MLLT3: variants seen among roughly 807,000 people sequenced by gnomAD.
MLLT3 encodes MLLT3 super elongation complex subunit, also known as protein AF-9.
A neutral mutation model predicts 53.2 loss-of-function variants in MLLT3; 4 were observed. The ratio of observed to expected loss-of-function variants is 0.08; its 90% confidence interval spans 0.04 to 0.17. The LOEUF (loss-of-function observed/expected upper bound fraction) is 0.17. Ranked by LOEUF, MLLT3 falls within the 10% of genes least tolerant of loss-of-function variation. The pLI is 1.00. For missense variants in MLLT3, 569 were observed against 684.0 expected, an observed-to-expected ratio of 0.83 and a Z score of 1.87; for synonymous variants, 283 against 230.6, an observed-to-expected ratio of 1.23 and a Z score of -2.06.
intron 2 of MLLT3, among the ~76,000 whole-genome samples, chr9:20,479,359 T>C (rs1824605975): frequency 1.3e-5 from 2 of 152,184 alleles, no homozygotes; most frequent in South Asian, 4.1e-4. Context: ...GCTTTTTATA[T>C]TGTTAACTGC....
intron 2 of MLLT3, among the ~76,000 whole-genome samples, chr9:20,515,862 G>GT (rs1817899868): frequency 6.6e-6 from 1 of 152,166 alleles, no homozygotes; most frequent in South Asian, 2.1e-4. Context: ...ACCGCCTGAT[G>GT]TAAGACTCTG....
At chr9:20,532,730 A>G (rs766303529) in intron 2 of MLLT3, 11 of 267,562 alleles carry the variant, frequency 4.1e-5, no homozygotes, top group Non-Finnish European at 7.1e-5. Context: ...TGGCCCCACT[A>G]TATCAGGTTG....
At position 20,543,041 on chromosome 9, in the gene MLLT3, C is replaced by A. The variant is rs1256509149; in HGVS notation, c.193+77613G>T. ...TCTGCAGTTTCCTCACTCCTCTCAG[C>A]CTTCAAAGAATTGAAGAGATTTAGG... On this transcript the variant is annotated intron_variant, in intron 2 of 10. Coordinates refer to ENST00000380338, the MANE Select transcript of MLLT3 (RefSeq NM_004529.4). 3.3e-5 allele frequency among the ~76,000 whole-genome samples: 5 copies of A among 152,316 alleles called. No individual in the cohort carries two copies. In the Middle Eastern group the frequency reaches 0.01, roughly 311 times the overall value.
intron 4 of MLLT3, among the ~76,000 whole-genome samples, chr9:20,422,639 T>A (rs1255797863): frequency 6.6e-6 from 1 of 152,118 alleles, no homozygotes; most frequent in Non-Finnish European, 1.5e-5. Flanking sequence ...AATGAAAGAT[T>A]CCCCTCAGCC....
Position 20,621,905 on chromosome 9 carries a change from G to A in MLLT3, c.12+340C>T. The A allele has an allele frequency of 8.2e-7, 1 of 1,216,882 alleles. No homozygotes were observed. The highest frequency in any genetic ancestry group is 1.1e-6 in the Non-Finnish European group (1 of 935,098). The allele number at this position is 1,216,882 out of a possible 1,614,324, so 75.4% of individuals were successfully genotyped here. Reference sequence around the variant, plus strand: ...GTTATTATTCGCCTCCTTCCACCGTGTGTGTGTGTGTGTGTGAGTGCGCGC... The same window carrying A: ...GTTATTATTCGCCTCCTTCCACCGTATGTGTGTGTGTGTGTGAGTGCGCGC... On this transcript the variant is annotated intron_variant, in intron 1 of 10. Coordinates refer to ENST00000380338, the MANE Select transcript of MLLT3 (RefSeq NM_004529.4). This position sits in a 1 kb window ranked among gnomAD's most constrained non-coding sequence, Gnocchi z 7.0.
At chr9:20,505,429 T>C (rs548617644) in intron 2 of MLLT3, among the ~76,000 whole-genome samples, 4 of 152,096 alleles carry the variant, frequency 2.6e-5, no homozygotes, top group Non-Finnish European at 5.9e-5. Flanking sequence ...GAAACCAGAG[T>C]GCCTGAGATG....
At chr9:20,375,086 C>T (rs1222941343) in intron 5 of MLLT3, among the ~76,000 whole-genome samples, 2 of 152,192 alleles carry the variant, frequency 1.3e-5, no homozygotes, top group Non-Finnish European at 1.5e-5. Context: ...TTGGACTTCC[C>T]AGCCTTTAAA....
rs576783588 is a variant in MLLT3 at position 20,445,364 on chromosome 9, G to A, written c.420+2759C>T. On this transcript the variant is annotated intron_variant, in intron 4 of 10. Coordinates refer to ENST00000380338, the MANE Select transcript of MLLT3 (RefSeq NM_004529.4). ...TTCTTCCAAGAGGGACATACACCAA[G>A]TTTTGAGACTATTTAGGAAATAGTA... Among the ~76,000 whole-genome samples, 115 of 152,114 alleles carry A rather than the reference G, an allele frequency of 7.6e-4. 2 individuals are homozygous for A. The South Asian group carries it at 0.015, about 20-fold the overall frequency.
intron 8 of MLLT3, among the ~76,000 whole-genome samples, chr9:20,358,159 G>A (rs1316776532): frequency 6.6e-6 from 1 of 152,052 alleles, no homozygotes; most frequent in Admixed American, 6.5e-5. Context: ...TTGACTTAAA[G>A]GGATAGCATC....
At chr9:20,467,596 T>C (rs1824268235) in intron 2 of MLLT3, among the ~76,000 whole-genome samples, 1 of 151,746 alleles carries the variant, frequency 6.6e-6, no homozygotes, top group Non-Finnish European at 1.5e-5. Flanking sequence ...AATAACAAAA[T>C]AAAAAATAAA....
At chr9:20,416,840 A>G (rs1822883122) in intron 4 of MLLT3, among the ~76,000 whole-genome samples, 2 of 152,274 alleles carry the variant, frequency 1.3e-5, no homozygotes, top group Non-Finnish European at 2.9e-5. Flanking sequence ...ATAAAAGGAG[A>G]GAGAGCAGTT....
chr9:20,565,936 A>T (rs1317464236), intron 2 of MLLT3, among the ~76,000 whole-genome samples: 1 of 13,028 alleles, frequency 7.7e-5, no homozygotes, highest in African/African-American at 2.3e-4. Context: ...ATATATATAT[A>T]TTTATATATA....
intron 2 of MLLT3, among the ~76,000 whole-genome samples, chr9:20,473,798 C>T (rs1824454187): frequency 6.6e-6 from 1 of 152,048 alleles, no homozygotes; most frequent in Non-Finnish European, 1.5e-5. Flanking sequence ...GACTGCTTCA[C>T]AATAATGGAC....
chr9:20,501,755 C>T (rs1369484679), intron 2 of MLLT3, among the ~76,000 whole-genome samples: 2 of 81,396 alleles, frequency 2.5e-5, no homozygotes, highest in South Asian at 1.0e-3. Context: ...GAGACTCCGT[C>T]TCAAAAAAAA....
At chr9:20,599,304 C>CA (rs56820558) in intron 2 of MLLT3, among the ~76,000 whole-genome samples, 5,045 of 66,336 alleles carry the variant, frequency 0.076, 285 homozygotes, top group African/African-American at 0.22. Context: ...ACTCTGTCTC[C>CA]AAAAAAAAAA....
At chr9:20,472,343 A>G (rs759780897) in intron 2 of MLLT3, among the ~76,000 whole-genome samples, 2 of 152,060 alleles carry the variant, frequency 1.3e-5, no homozygotes, top group Non-Finnish European at 2.9e-5. Flanking sequence ...TATTTTCAAC[A>G]TATGTGTTGC....
At chr9:20,590,851 T>G (rs1042157406) in intron 2 of MLLT3, among the ~76,000 whole-genome samples, 2 of 152,136 alleles carry the variant, frequency 1.3e-5, no homozygotes, top group African/African-American at 2.4e-5. Flanking sequence ...TCCTCTGACC[T>G]CAGCCTCCTG....
Position 20,413,851 on chromosome 9 carries a change from T to C in MLLT3, c.995A>G (p.His332Arg). 6.2e-7 allele frequency: 1 copy of C among 1,614,118 alleles called. No individual in the cohort carries two copies. The highest frequency in any genetic ancestry group is 8.5e-7 in the Non-Finnish European group (1 of 1,180,010). ...ADKKQIKDKSHVKMGKVKIES... is the reference protein window; with the variant it reads ...ADKKQIKDKSRVKMGKVKIES... ...AATTTTGACCTTTCCCATCTTGACA[T>C]GAGATTTATCTTTTATCTGTTTTTT... Residue 332 changes from histidine (H) to arginine (R), a missense_variant, in exon 5 of 11, where the codon CAT (histidine) becomes CGT (arginine). Transcript: ENST00000380338.
Position 20,354,833 on chromosome 9 carries a change from T to C in MLLT3, c.1478A>G (p.Gln493Arg), listed in dbSNP as rs138253823. 2.5e-6 allele frequency: 4 copies of C among 1,612,656 alleles called. No individual in the cohort carries two copies. The highest frequency in any genetic ancestry group is 3.4e-6 in the Non-Finnish European group (4 of 1,178,838). ...SPIKQSKSDK[Q>R]IKNGECDKAY... is the part of the protein sequence containing the mutation. The stretch of plus-strand genomic sequence containing the variant: ...CTTGTCACATTCACCATTCTTTATT[T>C]GCTTATCTGATTTGCTTTGCTTTAT... The change falls in exon 9 of 11, where the codon CAA (glutamine) becomes CGA (arginine). Residue 493 changes from glutamine (Q) to arginine (R), a missense_variant. Physicochemically the swap from Gln to Arg is conservative, Grantham distance 43. This residue lies in a region of MLLT3 where 437 missense variants were observed against 376.5 expected (regional missense o/e 1.16). Coordinates refer to ENST00000380338, the MANE Select transcript of MLLT3 (RefSeq NM_004529.4).
Sources: gnomAD v4.1 joint callset for allele counts (sites outside exome capture counted in the v4.1 genomes callset) on GRCh38, gnomAD v4.1.1 for gene constraint, gnomAD v4.1.1 regional missense constraint, Gnocchi (gnomAD v3.1) non-coding constraint, MANE v1.5 for transcripts, NCBI Gene and HGNC (gene_info 2026-07-23, HGNC 2026-07-21) for gene names.